The following CDH13 variants were observed in gnomAD, a reference collection of about 807,000 sequenced individuals.
CDH13 encodes the protein cadherin-13.
A neutral mutation model predicts 63.8 loss-of-function variants in CDH13; 24 were observed. That is an observed-to-expected ratio of 0.38 (90% CI 0.27 to 0.53). CDH13 has a LOEUF of 0.53. Among genes scored for constraint, CDH13 ranks in the 20% least tolerant of loss-of-function variants. CDH13 has a pLI of 0.85. For synonymous variants in CDH13, 503 were observed against 355.3 expected (o/e 1.42, Z -4.67); for missense variants, 1,049 against 903.1 (o/e 1.16, Z -2.07).
Position 82,928,524 on chromosome 16 carries a change from A to G in CDH13, c.157+70051A>G, listed in dbSNP as rs190245288. 1.1e-4 allele frequency among the ~76,000 whole-genome samples: 17 copies of G among 152,276 alleles called. No homozygotes were observed. In the South Asian group the frequency reaches 2.1e-3, roughly 19 times the overall value. On this transcript the variant is annotated intron_variant, in intron 2 of 13. Transcript: ENST00000567109. Reference sequence around the variant, plus strand: ...CCAGGGATACTATCATCCTTACTCAATATCTGCCAATCCTTTGGGCAACAT... The same window carrying G: ...CCAGGGATACTATCATCCTTACTCAGTATCTGCCAATCCTTTGGGCAACAT...
chr16:83,622,295 G>C (rs991905312), intron 8 of CDH13, among the ~76,000 whole-genome samples: 2 of 152,110 alleles, frequency 1.3e-5, no homozygotes, highest in South Asian at 2.1e-4. Flanking sequence ...AGAGCACCTG[G>C]TTCCAGAGGC....
At chr16:82,896,865 C>G (rs1380669128) in intron 2 of CDH13, among the ~76,000 whole-genome samples, 1 of 147,804 alleles carries the variant, frequency 6.8e-6, no homozygotes, top group African/African-American at 2.5e-5. Flanking sequence ...ACTGCAAGCT[C>G]CGCCTCCCAG....
intron 5 of CDH13, among the ~76,000 whole-genome samples, chr16:83,260,260 A>T (rs1342325890): frequency 1.3e-5 from 2 of 152,128 alleles, no homozygotes; most frequent in Admixed American, 1.3e-4. Flanking sequence ...TGATTTTATG[A>T]TCTAAAAATG....
At chr16:82,788,536 T>C (rs759291647) in intron 1 of CDH13, among the ~76,000 whole-genome samples, 1 of 152,214 alleles carries the variant, frequency 6.6e-6, no homozygotes, top group Admixed American at 6.5e-5. Context: ...TCAGACTGAA[T>C]TAGTTCTTTG....
At chr16:83,114,022 ACT>A (rs1412024818) in intron 3 of CDH13, among the ~76,000 whole-genome samples, 1 of 151,990 alleles carries the variant, frequency 6.6e-6, no homozygotes, top group Non-Finnish European at 1.5e-5. Flanking sequence ...TCTGGAGTTA[ACT>A]CTCCAATTTC....
intron 2 of CDH13, chr16:82,954,827 T>C (rs927373481): frequency 2.6e-5 from 4 of 151,912 alleles, no homozygotes; most frequent in African/African-American, 9.7e-5. Flanking sequence ...AGCCACAAAA[T>C]CTCATTCTGT....
chr16:82,919,990 A>T (rs1472011149), intron 2 of CDH13, among the ~76,000 whole-genome samples: 1 of 152,214 alleles, frequency 6.6e-6, no homozygotes, highest in Non-Finnish European at 1.5e-5. Context: ...AGTAATATCG[A>T]GATCAAAATG....
At chr16:83,635,369 A>G (rs2150801020) in intron 8 of CDH13, among the ~76,000 whole-genome samples, 1 of 97,408 alleles carries the variant, frequency 1.0e-5, no homozygotes, top group Non-Finnish European at 1.8e-5. Flanking sequence ...TTTGAGACAG[A>G]GTCTCACTCT....
intron 2 of CDH13, among the ~76,000 whole-genome samples, chr16:82,901,324 C>CTGT (rs1555538222): frequency 7.7e-5 from 10 of 130,472 alleles, no homozygotes; most frequent in African/African-American, 3.0e-4. Flanking sequence ...TAGTATTCTC[C>CTGT]TGTGTGTGTG....
chr16:82,629,764 T>A (rs572413028), intron 1 of CDH13, among the ~76,000 whole-genome samples: 16 of 152,182 alleles, frequency 1.1e-4, no homozygotes, highest in Non-Finnish European at 2.2e-4. Flanking sequence ...CGTTGAACAG[T>A]CACCTCTCCT....
Position 83,136,174 on chromosome 16 carries a change from TAAAAAA to T in CDH13, c.483+10683_483+10688del, listed in dbSNP as rs11284544. ...CTGTACCCCAACAACCTATAGAAATTAAAAAAAAAAAAAAAGAAATAGACTTTGTCT... is the reference window on the plus strand; with the variant it reads ...CTGTACCCCAACAACCTATAGAAATTAAAAAAAAAGAAATAGACTTTGTCT... On this transcript the variant is annotated intron_variant, in intron 4 of 13. Transcript: ENST00000567109. Among the ~76,000 whole-genome samples the T allele has an allele frequency of 5.7e-5, 8 of 139,670 alleles. 1 individual carries two copies. The Middle Eastern group carries it at 0.014, about 249-fold the overall frequency. The allele number at this position is 139,670 out of a possible 152,430, so 91.6% of individuals were successfully genotyped here.
intron 7 of CDH13, among the ~76,000 whole-genome samples, chr16:83,548,508 A>G (rs2075430733): frequency 6.6e-6 from 1 of 152,174 alleles, no homozygotes. Context: ...AACATCAGAG[A>G]TGCAGTGTCA....
chr16:83,305,245 G>C (rs1215609227), intron 5 of CDH13, among the ~76,000 whole-genome samples: 1 of 152,180 alleles, frequency 6.6e-6, no homozygotes, highest in African/African-American at 2.4e-5. Flanking sequence ...TGCTGTTGAT[G>C]ACTTCACTTT....
intron 1 of CDH13, among the ~76,000 whole-genome samples, chr16:82,700,373 C>A (rs1462802646): frequency 6.6e-6 from 1 of 152,188 alleles, no homozygotes; most frequent in Non-Finnish European, 1.5e-5. Flanking sequence ...GACCAACGTT[C>A]TATGCAGAGG....
At chr16:83,162,232 C>G (rs2037478942) in intron 4 of CDH13, among the ~76,000 whole-genome samples, 1 of 152,048 alleles carries the variant, frequency 6.6e-6, no homozygotes, top group South Asian at 2.1e-4. Flanking sequence ...CAGGCACTGA[C>G]TAGAAAATTT....
intron 5 of CDH13, among the ~76,000 whole-genome samples, chr16:83,290,642 A>G (rs1372048244): frequency 2.0e-5 from 3 of 152,168 alleles, no homozygotes; most frequent in Admixed American, 2.0e-4. Flanking sequence ...AGAGTAATAT[A>G]TTCCCTCTTA....
intron 5 of CDH13, among the ~76,000 whole-genome samples, chr16:83,334,359 TCTCACACACACACACACA>T (rs2090545166): frequency 1.1e-5 from 1 of 88,518 alleles, no homozygotes; most frequent in Non-Finnish European, 2.2e-5. Flanking sequence ...TCTCTCTCTC[TCTCACACACACACACACA>T]CACACACACA....
chr16:83,323,202 CTTTCTT>C (rs1567591251), intron 5 of CDH13, among the ~76,000 whole-genome samples: 8 of 145,128 alleles, frequency 5.5e-5, no homozygotes, highest in African/African-American at 2.1e-4. Context: ...TTCTTTCTTT[CTTTCTT>C]TCTTTCTTTC....
intron 7 of CDH13, among the ~76,000 whole-genome samples, chr16:83,521,386 T>A (rs534892541): frequency 1.3e-5 from 2 of 150,916 alleles, no homozygotes; most frequent in South Asian, 4.2e-4. Flanking sequence ...GGAAAAAAAA[T>A]TGTATTTTTA....
Sources: allele counts gnomAD v4.1 joint callset (sites outside exome capture counted in the v4.1 genomes callset), GRCh38; gene constraint gnomAD v4.1.1; transcripts MANE v1.5; gene names NCBI Gene and HGNC (gene_info 2026-07-23, HGNC 2026-07-21).